The following AVPI1 variants were observed in gnomAD, a reference collection of about 807,000 sequenced individuals.
AVPI1 encodes arginine vasopressin-induced protein 1.
AVPI1 carries 9 observed loss-of-function variants against 11.9 expected under a neutral mutation model. The observed-to-expected ratio is 0.76, with a 90% CI of 0.46 to 1.32. The LOEUF (loss-of-function observed/expected upper bound fraction) is 1.32. Among genes scored for constraint, AVPI1 ranks in the 40% most tolerant of loss-of-function variants. AVPI1 has a pLI of 0.00. For missense variants in AVPI1, 207 were observed against 195.8 expected (o/e 1.06, Z -0.34); for synonymous variants, 68 against 78.1 (o/e 0.87, Z 0.68).
chr10:97,681,821 TG>T (rs2041705666), intron 1 of AVPI1, among the ~76,000 whole-genome samples: 1 of 139,522 alleles, frequency 7.2e-6, no homozygotes, highest in African/African-American at 2.7e-5. Context: ...GAGCTTGCAG[TG>T]AGCCGAGATT....
At position 97,686,829 on chromosome 10, in the gene AVPI1, C is replaced by T. The variant is rs2041732219; in HGVS notation, c.-74G>A. On this transcript the variant is annotated 5_prime_UTR_variant, in exon 1 of 3. Transcript: ENST00000370626. ...TGGGGCAAGCTAAGATGCGCCCACTCCAACCTCTTCCACAGCCTTCAGAAA... is the reference window on the plus strand; with the variant it reads ...TGGGGCAAGCTAAGATGCGCCCACTTCAACCTCTTCCACAGCCTTCAGAAA... 1 of 152,404 alleles carries T rather than the reference C, an allele frequency of 6.6e-6. No individual in the cohort carries two copies. Among genetic ancestry groups the T allele is most frequent in the South Asian group, 2.1e-4 (1 of 4,836 alleles). The allele number at this position is 152,404 out of a possible 1,614,324, so 9.4% of individuals were successfully genotyped here.
At chr10:97,680,180 G>A (rs921469693) in intron 1 of AVPI1, among the ~76,000 whole-genome samples, 1 of 152,114 alleles carries the variant, frequency 6.6e-6, no homozygotes, top group African/African-American at 2.4e-5. Flanking sequence ...TAAATGACTT[G>A]CCAGCGTCAC....
intron 1 of AVPI1, 47 bp from the exon 2 acceptor site, chr10:97,679,962 C>G: frequency 6.8e-7 from 1 of 1,470,272 alleles, no homozygotes; most frequent in Non-Finnish European, 9.0e-7. Context: ...CTGGTCCTTC[C>G]CAGACCTGGG....
chr10:97,680,258 C>T (rs924271711), intron 1 of AVPI1, among the ~76,000 whole-genome samples: 14 of 152,176 alleles, frequency 9.2e-5, no homozygotes, highest in African/African-American at 1.9e-4. Context: ...TCCATGCAGA[C>T]GCCAGGATGC....
In AVPI1 at chr10:97,677,742, G is replaced by A. The variant is rs1305346835; in HGVS notation, c.*127C>T. 2 of 1,124,646 alleles carry A rather than the reference G, an allele frequency of 1.8e-6. No individual in the cohort carries two copies. Among genetic ancestry groups the A allele is most frequent in the Non-Finnish European group, 2.5e-6 (2 of 787,736 alleles). The allele number at this position is 1,124,646 out of a possible 1,614,324, so 69.7% of individuals were successfully genotyped here. A position where few individuals can be genotyped will look rare whatever the true frequency, so the allele number is the denominator to read the frequency against. On this transcript the variant is annotated 3_prime_UTR_variant, in exon 3 of 3. Transcript: ENST00000370626. ...TCCAGTCTTGTTCTGAATGGAGCAG[G>A]TCAGTGGCAGCAGCCTCTTGCTTTC... is the stretch of plus-strand genomic sequence containing the variant.
chr10:97,680,494 C>T (rs2041698435), intron 1 of AVPI1, among the ~76,000 whole-genome samples: 1 of 152,176 alleles, frequency 6.6e-6, no homozygotes, highest in African/African-American at 2.4e-5. Context: ...TGCCGTAGCA[C>T]AAAGGTAAGA....
intron 1 of AVPI1, among the ~76,000 whole-genome samples, chr10:97,686,536 C>A (rs1472958608): frequency 6.6e-6 from 1 of 152,134 alleles, no homozygotes; most frequent in African/African-American, 2.4e-5. Context: ...GGGACATGAA[C>A]CCAGGCAGTC....
chr10:97,686,564 C>T lies in AVPI1; in HGVS notation c.-11+202G>A, dbSNP rs577707387. On this transcript the variant is annotated intron_variant, in intron 1 of 2. Coordinates refer to ENST00000370626, the MANE Select transcript of AVPI1 (RefSeq NM_021732.3). ...AGGCAGTCTGACCCCAGCACCCGGG[C>T]TCTCAAGCCACTGTTATTTTTGTTC... Among the ~76,000 whole-genome samples, 137 of 152,332 alleles carry T rather than the reference C, an allele frequency of 9.0e-4. 3 individuals carry two copies. The South Asian group carries it at 0.027, about 30-fold the overall frequency.
chr10:97,677,600 A>T lies in AVPI1; in HGVS notation c.*269T>A. 2.5e-6 allele frequency: 1 copy of T among 396,500 alleles called. No homozygotes were observed. The highest frequency in any genetic ancestry group is 4.6e-6 in the Non-Finnish European group (1 of 217,288). The allele number at this position is 396,500 out of a possible 1,614,324, so 24.6% of individuals were successfully genotyped here. A position where few individuals can be genotyped will look rare whatever the true frequency, so the allele number is the denominator to read the frequency against. ...TGCCTGTCACTTTGCTCCCAGGGGAATATCATGCAGCCCAGGAATAGTGTT... is the reference window on the plus strand; with the variant it reads ...TGCCTGTCACTTTGCTCCCAGGGGATTATCATGCAGCCCAGGAATAGTGTT... On this transcript the variant is annotated 3_prime_UTR_variant, in exon 3 of 3. Coordinates refer to ENST00000370626, the MANE Select transcript of AVPI1 (RefSeq NM_021732.3).
chr10:97,678,947 G>T lies in AVPI1; in HGVS notation c.287+672C>A, dbSNP rs1564779874. Among the ~76,000 whole-genome samples, 48 of 41,898 alleles carry T rather than the reference G, an allele frequency of 1.1e-3. 8 individuals are homozygous for T. In the East Asian group the frequency reaches 0.014, roughly 12 times the overall value. The allele number at this position is 41,898 out of a possible 152,430, so 27.5% of individuals were successfully genotyped here. Reference sequence around the variant, plus strand: ...TGTGTGTGTGTGTGTGTGTGTGTGTGTGTGTGTGTGTGTGTGTGTGTGTGT... The same window carrying T: ...TGTGTGTGTGTGTGTGTGTGTGTGTTTGTGTGTGTGTGTGTGTGTGTGTGT... On this transcript the variant is annotated intron_variant, in intron 2 of 2. Coordinates refer to ENST00000370626, the MANE Select transcript of AVPI1 (RefSeq NM_021732.3).
chr10:97,679,627 G>A lies in AVPI1; in HGVS notation c.279C>T (p.Ser93=). 6.2e-7 allele frequency: 1 copy of A among 1,610,154 alleles called. No individual in the cohort carries two copies. Among genetic ancestry groups the A allele is most frequent in the Non-Finnish European group, 8.5e-7 (1 of 1,177,808 alleles). ...CGGTTCTAGGAACCTACCTGAGGCG[G>A]CTGCAGTGGTGTAGCGAGTGGCCCA... is the stretch of plus-strand genomic sequence containing the variant. ...KPLGHSLHHC[S]RLRILEPHSA... Residue 93 remains serine, a synonymous_variant, in exon 2 of 3, where the codon AGC becomes AGT. Coordinates refer to ENST00000370626, the MANE Select transcript of AVPI1 (RefSeq NM_021732.3).
At chr10:97,680,930 TCAATGTCTCC>T (rs1490451516) in intron 1 of AVPI1, among the ~76,000 whole-genome samples, 2 of 152,182 alleles carry the variant, frequency 1.3e-5, no homozygotes, top group African/African-American at 4.8e-5. Flanking sequence ...AGACTCTGTG[TCAATGTCTCC>T]CATCATATCC....
chr10:97,683,938 T>A (rs776483416), intron 1 of AVPI1, among the ~76,000 whole-genome samples: 5 of 152,088 alleles, frequency 3.3e-5, no homozygotes, highest in Non-Finnish European at 5.9e-5. Flanking sequence ...GTGCTGAGAG[T>A]CAACAATTCC....
intron 1 of AVPI1, among the ~76,000 whole-genome samples, chr10:97,685,226 A>T (rs2041723022): frequency 1.3e-5 from 2 of 152,246 alleles, no homozygotes; most frequent in African/African-American, 4.8e-5. Flanking sequence ...TGAACCCCAA[A>T]GGAAATACCA....
At chr10:97,681,106 A>C (rs572834204) in intron 1 of AVPI1, among the ~76,000 whole-genome samples, 1 of 152,312 alleles carries the variant, frequency 6.6e-6, no homozygotes, top group South Asian at 2.1e-4. Context: ...TCCAACTCTG[A>C]CACCTTAAGC....
At chr10:97,681,868 G>A (rs1478343610) in intron 1 of AVPI1, among the ~76,000 whole-genome samples, 2 of 130,908 alleles carry the variant, frequency 1.5e-5, no homozygotes, top group Non-Finnish European at 3.1e-5. Context: ...CTGGGCGACA[G>A]AGCGAGACTC....
chr10:97,678,942 T>TTTTCAGA (rs1564779858), intron 2 of AVPI1, among the ~76,000 whole-genome samples: 6 of 51,956 alleles, frequency 1.2e-4, no homozygotes, highest in Non-Finnish European at 1.9e-4. Flanking sequence ...TGTGTGTGTG[T>TTTTCAGA]GTGTGTGTGT....
intron 1 of AVPI1, among the ~76,000 whole-genome samples, chr10:97,684,045 G>C (rs1301364271): frequency 1.3e-5 from 2 of 152,146 alleles, no homozygotes; most frequent in African/African-American, 4.8e-5. Context: ...TGGGTGCTAG[G>C]AAATTCCCCA....
chr10:97,678,574 G>A (rs1283296070), intron 2 of AVPI1, among the ~76,000 whole-genome samples: 2 of 152,032 alleles, frequency 1.3e-5, no homozygotes, highest in African/African-American at 2.4e-5. Context: ...GGGAGACTGG[G>A]GAGAGATCTC....
Sources: gnomAD v4.1 joint callset for allele counts (sites outside exome capture counted in the v4.1 genomes callset) on GRCh38, gnomAD v4.1.1 for gene constraint, MANE v1.5 for transcripts, NCBI Gene and HGNC (gene_info 2026-07-23, HGNC 2026-07-21) for gene names.